Variants in NBAS observed in about 807,000 individuals in gnomAD.
NBAS encodes NBAS subunit of NRZ tethering complex.
NBAS carries 219 observed loss-of-function variants against 302.5 expected under a neutral mutation model. The observed-to-expected ratio is 0.72, with a 90% confidence interval of 0.65 to 0.81. NBAS has a LOEUF of 0.81. Ranked by LOEUF, NBAS falls within the 30% of genes least tolerant of loss-of-function variation. The probability of loss-of-function intolerance (pLI) is 0.00; values close to 1 mark genes in which losing one functional copy is unlikely to be tolerated. For synonymous variants in NBAS, 1,118 were observed against 1,021.6 expected, an observed-to-expected ratio of 1.09 and a Z score of -1.80; for missense variants, 2,932 against 2,841.6, an observed-to-expected ratio of 1.03 and a Z score of -0.72.
At chr2:14,789,503 T>G in the NBAS span, among the ~76,000 whole-genome samples, 1 of 152,186 alleles carries the variant, frequency 6.6e-6, no homozygotes, top group African/African-American at 2.4e-5. Context: ...ATTCTAAAAC[T>G]CTGATATTTT....
intron 44 of NBAS, among the ~76,000 whole-genome samples, chr2:15,258,457 T>C (rs1007378598): frequency 6.6e-6 from 1 of 152,134 alleles, no homozygotes; most frequent in African/African-American, 2.4e-5. Context: ...GCAGGGAAGA[T>C]ATCCCTAAAT....
chr2:14,838,080 C>G, the NBAS span, among the ~76,000 whole-genome samples: 1 of 151,716 alleles, frequency 6.6e-6, no homozygotes, highest in Non-Finnish European at 1.5e-5. Context: ...CTTATTTTGC[C>G]TGCTTGAGTT....
the NBAS span, among the ~76,000 whole-genome samples, chr2:15,000,355 C>T: frequency 1.7e-3 from 257 of 152,332 alleles, no homozygotes; most frequent in Non-Finnish European, 2.0e-3. Flanking sequence ...CATAAAACCA[C>T]TCTTTCTGCT....
At chr2:15,387,083 A>ATTTTT (rs58841690) in intron 28 of NBAS, among the ~76,000 whole-genome samples, 3 of 147,402 alleles carry the variant, frequency 2.0e-5, no homozygotes, top group African/African-American at 7.5e-5. Flanking sequence ...TAAAGTATTA[A>ATTTTT]TTTTTTTTTT....
chr2:15,557,341 GTA>G (rs1664694288), intron 2 of NBAS, among the ~76,000 whole-genome samples: 1 of 151,958 alleles, frequency 6.6e-6, no homozygotes. Context: ...ATGCAGTTAG[GTA>G]TATATCAATG....
chr2:15,461,268 C>G lies in NBAS; in HGVS notation c.2272G>C (p.Ala758Pro). The change falls in exon 21 of 52, where the codon GCA becomes CCA. Residue 758 changes from alanine to proline, a missense_variant. Transcript: ENST00000281513. ...HGSDLLPHRL[A>P]ILSNFPETTS... ...GTCTCTGGAAAGTTGGACAGAATTG[C>G]AAGGCGATGAGGAAGCAGGTCGGAA... 1 of 1,613,506 alleles carries G rather than the reference C, an allele frequency of 6.2e-7. No homozygotes were observed. Among genetic ancestry groups the G allele is most frequent in the Non-Finnish European group, 8.5e-7 (1 of 1,179,594 alleles).
At chr2:14,800,401 C>T in the NBAS span, among the ~76,000 whole-genome samples, 29 of 152,184 alleles carry the variant, frequency 1.9e-4, no homozygotes, top group Non-Finnish European at 3.1e-4. Context: ...CCTTGCCTTC[C>T]GCCATGATTG....
intron 25 of NBAS, among the ~76,000 whole-genome samples, chr2:15,413,581 G>A (rs1676784748): frequency 6.6e-6 from 1 of 152,226 alleles, no homozygotes; most frequent in East Asian, 1.9e-4. Flanking sequence ...ACACACGGAG[G>A]GCCATGAGTG....
chr2:14,816,753 C>T, the NBAS span, among the ~76,000 whole-genome samples: 4 of 152,168 alleles, frequency 2.6e-5, no homozygotes, highest in African/African-American at 9.7e-5. Context: ...TGTCTGTCTT[C>T]CCTACTGTAC....
the NBAS span, among the ~76,000 whole-genome samples, chr2:14,850,098 T>C: frequency 7.3e-6 from 1 of 136,318 alleles, no homozygotes; most frequent in Non-Finnish European, 1.5e-5. Context: ...TAAATGTAAA[T>C]GGACTAAATT....
chr2:15,252,192 T>G (rs1378734015), intron 44 of NBAS, among the ~76,000 whole-genome samples: 1 of 152,146 alleles, frequency 6.6e-6, no homozygotes, highest in East Asian at 1.9e-4. Context: ...TAAGCAGACT[T>G]TTTTTCTTTT....
the NBAS span, among the ~76,000 whole-genome samples, chr2:14,913,891 T>C: frequency 6.6e-6 from 1 of 152,188 alleles, no homozygotes; most frequent in Non-Finnish European, 1.5e-5. Context: ...CCTAGCCTTA[T>C]GGAAATAGCC....
chr2:15,554,099 C>G lies in NBAS; in HGVS notation c.249G>C (p.Leu83Phe), dbSNP rs1209507517. ...AATGCCAGTTTATCTGTTTATTAAC[C>G]AAGCGAACCAGTCCATCAGGGAGCA... ...PFLLPDGLVR[L>F]VNKQINWHLV... Residue 83 changes from leucine (L) to phenylalanine (F), a missense_variant, in exon 4 of 52, where the codon TTG becomes TTC. Leu to Phe is a conservative substitution (Grantham distance 22, BLOSUM62 0). Coordinates refer to ENST00000281513, the MANE Select transcript of NBAS (RefSeq NM_015909.4). 1 of 1,613,868 alleles carries G rather than the reference C, an allele frequency of 6.2e-7. No homozygotes were observed. The highest frequency in any genetic ancestry group is 2.2e-5 in the East Asian group (1 of 44,850).
intron 9 of NBAS, among the ~76,000 whole-genome samples, chr2:15,515,836 A>G (rs1662363534): frequency 6.6e-6 from 1 of 152,152 alleles, no homozygotes; most frequent in Non-Finnish European, 1.5e-5. Flanking sequence ...CAATATACTC[A>G]ATAAATGTTT....
rs536008346 is a variant in NBAS, at chr2:15,391,468, C to T, written c.3257+2759G>A. 9.3e-5 allele frequency among the ~76,000 whole-genome samples: 14 copies of T among 151,026 alleles called. 1 individual carries two copies. In the South Asian group the frequency reaches 1.3e-3, roughly 14 times the overall value. On this transcript the variant is annotated intron_variant, in intron 28 of 51. Transcript: ENST00000281513. ...AGATTTAGTGGACTTTAAAAAACAG[C>T]GATAGAAATTATCCAAAATGAAACA...
At chr2:14,977,373 G>A in the NBAS span, among the ~76,000 whole-genome samples, 1 of 152,120 alleles carries the variant, frequency 6.6e-6, no homozygotes, top group Non-Finnish European at 1.5e-5. Flanking sequence ...TTCTATAACT[G>A]AAAATTACAT....
At chr2:14,967,978 C>T in the NBAS span, among the ~76,000 whole-genome samples, 1 of 152,170 alleles carries the variant, frequency 6.6e-6, no homozygotes, top group African/African-American at 2.4e-5. Context: ...AAAGCCTTGG[C>T]ATGTGTGTGA....
chr2:15,552,278 T>G (rs1052054941), intron 5 of NBAS, among the ~76,000 whole-genome samples: 2 of 152,160 alleles, frequency 1.3e-5, no homozygotes, highest in Non-Finnish European at 2.9e-5. Context: ...ATAAAGAGAT[T>G]AAACTTTGCT....
chr2:15,416,263 TC>T (rs2148460834), intron 24 of NBAS, among the ~76,000 whole-genome samples: 1 of 152,260 alleles, frequency 6.6e-6, no homozygotes, highest in Non-Finnish European at 1.5e-5. Flanking sequence ...CAGGAATCTC[TC>T]CCTTCTTTTT....
Sources: gnomAD v4.1 joint callset for allele counts (sites outside exome capture counted in the v4.1 genomes callset) on GRCh38, gnomAD v4.1.1 for gene constraint, MANE v1.5 for transcripts, NCBI Gene and HGNC (gene_info 2026-07-23, HGNC 2026-07-21) for gene names.